TYW1: variants seen among roughly 807,000 people sequenced by gnomAD.
The protein encoded by TYW1 is S-adenosyl-L-methionine-dependent tRNA 4-demethylwyosine synthase TYW1.
Under a neutral mutation model 96.2 loss-of-function variants are expected in TYW1, and 46 were observed. The ratio of observed to expected loss-of-function variants is 0.48; its 90% CI spans 0.38 to 0.61. The LOEUF (loss-of-function observed/expected upper bound fraction) is 0.61, where lower values mean the gene tolerates loss of function less well. TYW1 is among the 20% of genes least tolerant of loss of function. TYW1 has a pLI of 0.00. For synonymous variants in TYW1, 274 were observed against 323.0 expected (o/e 0.85, Z 1.63); for missense variants, 684 against 909.6 (o/e 0.75, Z 3.19).
At chr7:67,204,076 C>T (rs1432098328) in intron 15 of TYW1, among the ~76,000 whole-genome samples, 2 of 149,536 alleles carry the variant, frequency 1.3e-5, no homozygotes, top group African/African-American at 2.5e-5. Flanking sequence ...TACAGGTTGC[C>T]TTGGACTGGA....
chr7:67,010,131 C>T (rs1312697266), intron 4 of TYW1, among the ~76,000 whole-genome samples: 1 of 151,624 alleles, frequency 6.6e-6, no homozygotes, highest in Non-Finnish European at 1.5e-5. Flanking sequence ...TACAGGCATG[C>T]ACCACCATGC....
chr7:67,049,059 G>A (rs1795279222), intron 7 of TYW1, among the ~76,000 whole-genome samples: 2 of 152,284 alleles, frequency 1.3e-5, no homozygotes, highest in South Asian at 4.2e-4. Flanking sequence ...GGCTGTTGGT[G>A]GTAGTGGGAT....
At chr7:67,215,514 C>G (rs1358038492) in intron 15 of TYW1, among the ~76,000 whole-genome samples, 7 of 152,124 alleles carry the variant, frequency 4.6e-5, no homozygotes, top group African/African-American at 1.7e-4. Flanking sequence ...TTTTCAGCCT[C>G]ATTGAGAGCT....
intron 7 of TYW1, among the ~76,000 whole-genome samples, chr7:67,047,820 C>G (rs898484468): frequency 8.6e-6 from 1 of 116,908 alleles, no homozygotes; most frequent in Non-Finnish European, 1.6e-5. Flanking sequence ...GAGGCAGAGT[C>G]TCTGTCGCCC....
Position 67,180,237 on chromosome 7 carries a change from A to G in TYW1, c.1699-2889A>G, listed in dbSNP as rs571284111. Among the ~76,000 whole-genome samples the G allele has an allele frequency of 4.0e-3, 527 of 130,734 alleles. 66 individuals carry two copies. Among genetic ancestry groups the G allele is most frequent in the East Asian group, 6.1e-3 (31 of 5,080 alleles). The allele number at this position is 130,734 out of a possible 152,430, so 85.8% of individuals were successfully genotyped here. Reference sequence around the variant, plus strand: ...TATTTGGTATGATACGCTGCTGCCAAGCTTGGTTCCAGATTCCACATGCTA... The same window carrying G: ...TATTTGGTATGATACGCTGCTGCCAGGCTTGGTTCCAGATTCCACATGCTA... On this transcript the variant is annotated intron_variant, in intron 13 of 15. Coordinates refer to ENST00000359626, the MANE Select transcript of TYW1 (RefSeq NM_018264.4).
chr7:67,115,862 C>T (rs1797578955), intron 12 of TYW1, among the ~76,000 whole-genome samples: 1 of 152,110 alleles, frequency 6.6e-6, no homozygotes, highest in South Asian at 2.1e-4. Flanking sequence ...ATGCACAAAA[C>T]TTCTAGGTGG....
At chr7:67,034,550 T>G (rs1023009175) in intron 7 of TYW1, among the ~76,000 whole-genome samples, 1 of 152,144 alleles carries the variant, frequency 6.6e-6, no homozygotes. Context: ...TTGCCTTTTA[T>G]AAACACATTT....
intron 13 of TYW1, among the ~76,000 whole-genome samples, chr7:67,182,863 C>A (rs1011384096): frequency 2.6e-5 from 4 of 151,858 alleles, no homozygotes; most frequent in Non-Finnish European, 5.9e-5. Flanking sequence ...CAAGAAACCT[C>A]TGGGTGCCTG....
In TYW1 at chr7:67,179,861, A is replaced by T. The variant is rs866524339; in HGVS notation, c.1699-3265A>T. The stretch of plus-strand genomic sequence containing the variant: ...AATCATTAGGAATATATATATATAT[A>T]TATATTTTTTTTTTTTGGCGGGGGA... On this transcript the variant is annotated intron_variant, in intron 13 of 15. Transcript: ENST00000359626. 4.0e-5 allele frequency among the ~76,000 whole-genome samples: 3 copies of T among 75,030 alleles called. 1 individual carries two copies. Among genetic ancestry groups the T allele is most frequent in the Admixed American group, 2.5e-4 (2 of 7,908 alleles). The allele number at this position is 75,030 out of a possible 152,430, so 49.2% of individuals were successfully genotyped here.
At chr7:67,157,174 A>G (rs1474604430) in intron 13 of TYW1, among the ~76,000 whole-genome samples, 1 of 152,078 alleles carries the variant, frequency 6.6e-6, no homozygotes, top group East Asian at 1.9e-4. Flanking sequence ...AAAAATTACA[A>G]AGATAGTACA....
intron 8 of TYW1, among the ~76,000 whole-genome samples, chr7:67,055,135 C>T (rs1584507180): frequency 6.6e-6 from 1 of 152,024 alleles, no homozygotes; most frequent in Admixed American, 6.6e-5. Flanking sequence ...TTCACTGGTC[C>T]ATGAAAGAAT....
chr7:67,039,370 G>A (rs55865888), intron 7 of TYW1, among the ~76,000 whole-genome samples: 47,139 of 150,982 alleles, frequency 0.31, 7,631 homozygotes, highest in African/African-American at 0.38. Flanking sequence ...AGGCAGAAGA[G>A]TGGCATGAAC....
At chr7:67,029,416 T>TATACAC (rs1794591001) in intron 7 of TYW1, among the ~76,000 whole-genome samples, 1 of 97,614 alleles carries the variant, frequency 1.0e-5, no homozygotes, top group Admixed American at 1.1e-4. Context: ...TGTGTGTGTG[T>TATACAC]ATATATATAT....
chr7:67,196,270 G>T (rs1259451377), intron 15 of TYW1, among the ~76,000 whole-genome samples: 1 of 151,766 alleles, frequency 6.6e-6, no homozygotes, highest in Admixed American at 6.6e-5. Flanking sequence ...ATGCTATTTT[G>T]TATAATTTCT....
intron 6 of TYW1, 124 bp downstream of exon 6, chr7:67,018,267 A>G: frequency 2.3e-6 from 3 of 1,285,370 alleles, no homozygotes; most frequent in Non-Finnish European, 3.2e-6. Flanking sequence ...GGCTGAGTGC[A>G]GTGGCTCGCA....
chr7:67,205,136 A>G (rs6960122), intron 15 of TYW1, among the ~76,000 whole-genome samples: 38,141 of 150,482 alleles, frequency 0.25, 4,936 homozygotes, highest in African/African-American at 0.31. Flanking sequence ...TGTCTTAGCC[A>G]GCCTCCTTTG....
chr7:67,078,985 C>T (rs1239375977), intron 10 of TYW1, among the ~76,000 whole-genome samples: 2 of 152,176 alleles, frequency 1.3e-5, no homozygotes, highest in Admixed American at 6.5e-5. Flanking sequence ...TGAGCCACCG[C>T]GCCTGGCTGA....
At chr7:67,200,525 T>C (rs755218254) in intron 15 of TYW1, among the ~76,000 whole-genome samples, 8 of 151,976 alleles carry the variant, frequency 5.3e-5, no homozygotes, top group Non-Finnish European at 1.2e-4. Flanking sequence ...ACAAGAACAG[T>C]ATGGGGGAAA....
At chr7:67,198,309 G>A (rs542878159) in intron 15 of TYW1, among the ~76,000 whole-genome samples, 1 of 152,232 alleles carries the variant, frequency 6.6e-6, no homozygotes, top group African/African-American at 2.4e-5. Flanking sequence ...CACTTTGGGA[G>A]GAAGGCTGAG....
Sources: allele counts gnomAD v4.1 joint callset (sites outside exome capture counted in the v4.1 genomes callset), GRCh38; gene constraint gnomAD v4.1.1; transcripts MANE v1.5; gene names NCBI Gene and HGNC (gene_info 2026-07-23, HGNC 2026-07-21).